The following TNS3 variants were observed in gnomAD, a reference collection of about 807,000 sequenced individuals.
The protein encoded by TNS3 is tensin-3.
Under a neutral mutation model 140.9 loss-of-function variants are expected in TNS3, and 45 were observed. The observed-to-expected ratio is 0.32, with a 90% confidence interval of 0.25 to 0.41. The LOEUF (loss-of-function observed/expected upper bound fraction) is 0.41. Ranked by LOEUF, TNS3 falls within the 10% of genes least tolerant of loss-of-function variation. The probability of loss-of-function intolerance (pLI) is 1.00; values close to 1 mark genes in which losing one functional copy is unlikely to be tolerated. For synonymous variants in TNS3, 815 were observed against 788.4 expected, an observed-to-expected ratio of 1.03 and a Z score of -0.56; for missense variants, 1,716 against 1,906.7, an observed-to-expected ratio of 0.90 and a Z score of 1.86.
Position 47,303,038 on chromosome 7 carries a change from G to A in TNS3, c.3369C>T (p.Ser1123=), listed in dbSNP as rs771672640. 13 of 1,614,112 alleles carry A rather than the reference G, an allele frequency of 8.1e-6. No homozygotes were observed. The highest frequency in any genetic ancestry group is 1.1e-5 in the Non-Finnish European group (13 of 1,180,018). The change falls in exon 22 of 31, where the codon AGC becomes AGT. Residue 1123 remains serine (S), a synonymous_variant. Transcript: ENST00000311160. ...SVSPSSSGFS[S]PHSGSTISIP... The stretch of plus-strand genomic sequence containing the variant: ...TACTGATGGTGCTCCCGCTGTGCGG[G>A]CTGGAGAAGCCACTGGAGGAGGGAG...
At chr7:47,446,990 A>C (rs2151608786) in intron 4 of TNS3, among the ~76,000 whole-genome samples, 1 of 150,316 alleles carries the variant, frequency 6.7e-6, no homozygotes, top group East Asian at 2.0e-4. Flanking sequence ...GCCCGGCCAG[A>C]CTGCTCTTTA....
intron 1 of TNS3, among the ~76,000 whole-genome samples, chr7:47,558,776 G>A (rs1290452760): frequency 6.6e-6 from 1 of 152,100 alleles, no homozygotes; most frequent in Non-Finnish European, 1.5e-5. Context: ...CACCCTATGG[G>A]ACATTCCTCT....
rs77694913 is a variant in TNS3 at position 47,506,029 on chromosome 7, A to G, written c.-115+878T>C. On this transcript the variant is annotated intron_variant, in intron 3 of 30. Coordinates refer to ENST00000311160, the MANE Select transcript of TNS3 (RefSeq NM_022748.12). The stretch of plus-strand genomic sequence containing the variant: ...TGGAAATGATCAAAACAGCTGACCC[A>G]TGAGGTCTGTAACAGTAGCAAAATC... Among the ~76,000 whole-genome samples, 1,499 of 152,312 alleles carry G rather than the reference A, an allele frequency of 9.8e-3. 23 individuals are homozygous for G. The highest frequency in any genetic ancestry group is 0.034 in the African/African-American group (1,415 of 41,568).
At chr7:47,399,800 T>C (rs983473845) in intron 15 of TNS3, among the ~76,000 whole-genome samples, 2 of 152,000 alleles carry the variant, frequency 1.3e-5, no homozygotes, top group Non-Finnish European at 2.9e-5. Context: ...CAAAAGCAAA[T>C]GCAACAGAAC....
intron 16 of TNS3, among the ~76,000 whole-genome samples, chr7:47,387,983 TA>T (rs1310609898): frequency 6.6e-6 from 1 of 152,208 alleles, no homozygotes; most frequent in Non-Finnish European, 1.5e-5. Flanking sequence ...TGCAGGCTCT[TA>T]TAGACAGGCA....
intron 20 of TNS3, among the ~76,000 whole-genome samples, chr7:47,332,530 C>CGAGA (rs1788400808): frequency 6.6e-6 from 1 of 152,206 alleles, no homozygotes; most frequent in Non-Finnish European, 1.5e-5. Flanking sequence ...GACCCCAGCC[C>CGAGA]GCGAGCTGCC....
intron 3 of TNS3, among the ~76,000 whole-genome samples, chr7:47,502,436 C>G (rs797020879): frequency 7.9e-5 from 12 of 152,328 alleles, no homozygotes; most frequent in African/African-American, 2.9e-4. Flanking sequence ...GCCATAAACT[C>G]TAGGTCCCGT....
At position 47,407,874 on chromosome 7, in the gene TNS3, C is replaced by A. The variant is rs1425321061; in HGVS notation, c.723+3853G>T. Among the ~76,000 whole-genome samples, 1 of 152,084 alleles carries A rather than the reference C, an allele frequency of 6.6e-6. No homozygotes were observed. The highest frequency in any genetic ancestry group is 1.5e-5 in the Non-Finnish European group (1 of 68,012). ...CCACACCTGGATCTCAGGCTCCCAGCCTCCAGGACTGTGGGAGAATCACCT... is the reference window on the plus strand; with the variant it reads ...CCACACCTGGATCTCAGGCTCCCAGACTCCAGGACTGTGGGAGAATCACCT... On this transcript the variant is annotated intron_variant, in intron 13 of 30. Transcript: ENST00000311160. This position sits in a 1 kb window ranked among gnomAD's most constrained non-coding sequence, Gnocchi z 4.1.
chr7:47,278,139 C>A lies in TNS3; in HGVS notation c.4275G>T (p.Gln1425His), dbSNP rs758896562. 1 of 1,614,150 alleles carries A rather than the reference C, an allele frequency of 6.2e-7. No individual in the cohort carries two copies. Among genetic ancestry groups the A allele is most frequent in the Non-Finnish European group, 8.5e-7 (1 of 1,180,026 alleles). The change falls in exon 31 of 31, where the codon CAG becomes CAT. Residue 1425 changes from glutamine (Q) to histidine (H), a missense_variant. Physicochemically the swap from Gln to His is conservative, Grantham distance 24 (BLOSUM62 0). Transcript: ENST00000311160. ...CGAAGTTGACAATGGCACTGGCAGGCTGCTCAGGGTCATGCTCTGCAAACA... is the reference window on the plus strand; with the variant it reads ...CGAAGTTGACAATGGCACTGGCAGGATGCTCAGGGTCATGCTCTGCAAACA... The part of the protein sequence containing the change: ...CHLFAEHDPE[Q>H]PASAIVNFVS...
intron 4 of TNS3, among the ~76,000 whole-genome samples, chr7:47,449,882 A>C (rs1164958056): frequency 3.9e-5 from 6 of 152,246 alleles, no homozygotes; most frequent in Non-Finnish European, 8.8e-5. Flanking sequence ...TTAGGATTAC[A>C]GGCGTGAGCC....
chr7:47,553,907 C>T (rs940125469), intron 1 of TNS3, among the ~76,000 whole-genome samples: 2 of 151,916 alleles, frequency 1.3e-5, no homozygotes, highest in Non-Finnish European at 2.9e-5. Context: ...GAGGTTCAAG[C>T]GATTTTCCTG....
rs1203423484 is a variant in TNS3 at position 47,480,103 on chromosome 7, G to C, written c.-76+1000C>G. Among the ~76,000 whole-genome samples the C allele has an allele frequency of 2.0e-5, 3 of 152,224 alleles. 1 individual carries two copies. The highest frequency in any genetic ancestry group is 4.4e-5 in the Non-Finnish European group (3 of 68,036). On this transcript the variant is annotated intron_variant, in intron 4 of 30. Coordinates refer to ENST00000311160, the MANE Select transcript of TNS3 (RefSeq NM_022748.12). ...CGAGCCTGGGGAAGGATGTCCTACT[G>C]CACCACAAGACAGAGCCAGTTAGCC...
In TNS3 at chr7:47,565,374, C is replaced by CT. The variant is rs1366371707; in HGVS notation, c.-265+16676dup. 9.4e-4 allele frequency among the ~76,000 whole-genome samples: 137 copies of CT among 146,330 alleles called. 3 individuals are homozygous for CT. The highest frequency in any genetic ancestry group is 7.2e-3 in the East Asian group (35 of 4,894). ...ACAGGCATGAGCCACCGCGCCCGGC[C>CT]TTTTTTTTTGGAGACAGAGGCTCAC... On this transcript the variant is annotated intron_variant, in intron 1 of 30. Coordinates refer to ENST00000311160, the MANE Select transcript of TNS3 (RefSeq NM_022748.12).
chr7:47,414,492 G>A (rs1793964540), intron 11 of TNS3, among the ~76,000 whole-genome samples: 1 of 152,136 alleles, frequency 6.6e-6, no homozygotes, highest in Non-Finnish European at 1.5e-5. Flanking sequence ...ATGGGACAAG[G>A]GAGGAGGGAT....
chr7:47,479,168 T>C (rs1262260821), intron 4 of TNS3, among the ~76,000 whole-genome samples: 1 of 152,230 alleles, frequency 6.6e-6, no homozygotes, highest in Admixed American at 6.5e-5. Context: ...CTTTGGGCTC[T>C]GGCCTGTCTG....
At chr7:47,570,817 T>C (rs1474002598) in intron 1 of TNS3, among the ~76,000 whole-genome samples, 4 of 152,104 alleles carry the variant, frequency 2.6e-5, no homozygotes, top group Admixed American at 6.5e-5. Context: ...TTATCATTTT[T>C]TTTCTTTCTT....
At chr7:47,354,613 A>G (rs1207708744) in intron 17 of TNS3, among the ~76,000 whole-genome samples, 1 of 151,952 alleles carries the variant, frequency 6.6e-6, no homozygotes, top group Non-Finnish European at 1.5e-5. Flanking sequence ...CCAGGAAAAA[A>G]AAAAAAAAAT....
chr7:47,522,509 C>A (rs1584807585), intron 2 of TNS3, among the ~76,000 whole-genome samples: 1 of 152,232 alleles, frequency 6.6e-6, no homozygotes, highest in Admixed American at 6.5e-5. Flanking sequence ...GCACCTCAGG[C>A]TTGGGAGCAT....
chr7:47,344,789 C>G lies in TNS3; in HGVS notation c.2616G>C (p.Leu872=), dbSNP rs1789229114. 1 of 1,613,128 alleles carries G rather than the reference C, an allele frequency of 6.2e-7. No homozygotes were observed. ...HPPFSPPEPP[L]SSPASQHKGG... ...CTTTGTGCTGACTGGCTGGGCTGCT[C>G]AGCGGGGGCTCAGGTGGGCTGAACG... The change falls in exon 20 of 31, where the codon CTG becomes CTC. Residue 872 remains leucine (L), a synonymous_variant. Transcript: ENST00000311160.
Sources: allele counts gnomAD v4.1 joint callset (sites outside exome capture counted in the v4.1 genomes callset), GRCh38; gene constraint gnomAD v4.1.1; non-coding constraint Gnocchi (gnomAD v3.1); transcripts MANE v1.5; gene names NCBI Gene and HGNC (gene_info 2026-07-23, HGNC 2026-07-21).